Variants in TENM2 observed in about 807,000 individuals in gnomAD.
The protein encoded by TENM2 is teneurin-2.
In TENM2, 52 loss-of-function variants were observed where a neutral mutation model predicts 245.2. The observed-to-expected ratio is 0.21, with a 90% CI of 0.17 to 0.27. The LOEUF is 0.27. TENM2 is among the 10% of genes least tolerant of loss of function. The pLI, the probability that TENM2 is intolerant of heterozygous loss-of-function variation, is 1.00. For synonymous variants in TENM2, 1,363 were observed against 1,438.9 expected (o/e 0.95, Z 1.19); for missense variants, 3,046 against 3,666.8 (o/e 0.83, Z 4.37).
At chr5:167,491,920 G>A (rs1419698622) in intron 2 of TENM2, among the ~76,000 whole-genome samples, 2 of 152,076 alleles carry the variant, frequency 1.3e-5, no homozygotes, top group Non-Finnish European at 2.9e-5. Flanking sequence ...TATTATCTCG[G>A]ATAATTGCTG....
At chr5:167,943,912 G>C (rs1242477120) in intron 3 of TENM2, among the ~76,000 whole-genome samples, 1 of 152,148 alleles carries the variant, frequency 6.6e-6, no homozygotes, top group African/African-American at 2.4e-5. Context: ...TGCTCAGATA[G>C]GCACTGCTCA....
rs544841870 is a variant in TENM2, at chr5:167,891,117, T to TA, written c.712+14930dup. 1.6e-3 allele frequency among the ~76,000 whole-genome samples: 239 copies of TA among 152,036 alleles called. 6 individuals are homozygous for TA. In the South Asian group the frequency reaches 0.045, roughly 29 times the overall value. On this transcript the variant is annotated intron_variant, in intron 3 of 28. Coordinates refer to ENST00000518659, the Ensembl canonical transcript of TENM2. ...CTTGGTCTACCTATTCACATGTATT[T>TA]AAAAAAAATAGGTTGTTTACTTATT... is the stretch of plus-strand genomic sequence containing the variant.
chr5:168,110,399 A>T (rs1158156436), intron 9 of TENM2, among the ~76,000 whole-genome samples: 1 of 152,200 alleles, frequency 6.6e-6, no homozygotes, highest in African/African-American at 2.4e-5. Flanking sequence ...CCCTTTGGAA[A>T]CACTATGGGG....
At chr5:168,009,552 G>C (rs1785071268) in intron 5 of TENM2, among the ~76,000 whole-genome samples, 1 of 152,030 alleles carries the variant, frequency 6.6e-6, no homozygotes, top group Admixed American at 6.6e-5. Flanking sequence ...TTTATTTTCT[G>C]TGTGTTAACA....
At chr5:167,419,444 G>A (rs1461971680) in intron 2 of TENM2, among the ~76,000 whole-genome samples, 1 of 152,184 alleles carries the variant, frequency 6.6e-6, no homozygotes, top group Non-Finnish European at 1.5e-5. Context: ...CTGAGTGAAA[G>A]AGTGAGACGT....
chr5:168,177,388 C>T (rs969850818), intron 13 of TENM2, among the ~76,000 whole-genome samples: 1 of 152,158 alleles, frequency 6.6e-6, no homozygotes, highest in Non-Finnish European at 1.5e-5. Context: ...GATGAAGGAA[C>T]CAAGACTCAG....
intron 2 of TENM2, among the ~76,000 whole-genome samples, chr5:167,816,567 G>T (rs1460018729): frequency 6.6e-6 from 1 of 152,198 alleles, no homozygotes; most frequent in Non-Finnish European, 1.5e-5. Context: ...TCGGGTTGCT[G>T]TGTTGGAAGG....
At chr5:166,984,080 T>A in the TENM2 span, among the ~76,000 whole-genome samples, 2 of 152,086 alleles carry the variant, frequency 1.3e-5, no homozygotes, top group Non-Finnish European at 2.9e-5. Context: ...TTTGAAAAAA[T>A]ATTAGAAGTT....
intron 13 of TENM2, among the ~76,000 whole-genome samples, chr5:168,180,841 G>T (rs1256083196): frequency 6.6e-6 from 1 of 152,058 alleles, no homozygotes; most frequent in Non-Finnish European, 1.5e-5. Flanking sequence ...GGCAGAGGTT[G>T]CAGTGAGCTG....
chr5:167,878,573 CTGTGTGTGTGTGTGTGTG>C (rs10573629), intron 3 of TENM2, among the ~76,000 whole-genome samples: 1 of 150,022 alleles, frequency 6.7e-6, no homozygotes, highest in Admixed American at 6.6e-5. Flanking sequence ...GTGCTCACGT[CTGTGTGTGTGTGTGTGTG>C]TGTGTGTGTG....
intron 1 of TENM2, among the ~76,000 whole-genome samples, chr5:167,361,432 G>A (rs182158260): frequency 2.3e-4 from 35 of 152,148 alleles, no homozygotes; most frequent in South Asian, 8.3e-4. Context: ...ACAACATATA[G>A]CACTCATTGT....
the TENM2 span, among the ~76,000 whole-genome samples, chr5:167,183,497 A>G: frequency 6.6e-6 from 1 of 152,164 alleles, no homozygotes; most frequent in African/African-American, 2.4e-5. Context: ...CTATATTGTG[A>G]TATCTGAATG....
intron 3 of TENM2, among the ~76,000 whole-genome samples, chr5:167,932,406 G>A (rs1389141811): frequency 6.6e-6 from 1 of 152,084 alleles, no homozygotes; most frequent in East Asian, 1.9e-4. Context: ...ATGTGTATGT[G>A]TGTTCATATG....
chr5:167,293,976 C>CTGTGTGTGTGTGTG (rs55869331), intron 1 of TENM2, among the ~76,000 whole-genome samples: 100 of 148,750 alleles, frequency 6.7e-4, no homozygotes, highest in Middle Eastern at 3.4e-3. Flanking sequence ...GATGTGAGTT[C>CTGTGTGTGTGTGTG]TGTGTGTGTG....
intron 8 of TENM2, 22 bp from the exon 11 acceptor site, chr5:168,098,004 A>G: frequency 6.3e-7 from 1 of 1,578,792 alleles, no homozygotes; most frequent in South Asian, 1.1e-5. Context: ...AAAGGTAAAC[A>G]CTACATTTAT....
At chr5:168,083,827 A>G (rs1792211015) in intron 7 of TENM2, among the ~76,000 whole-genome samples, 1 of 152,160 alleles carries the variant, frequency 6.6e-6, no homozygotes, top group Admixed American at 6.5e-5. Context: ...GGTTTGGTCT[A>G]CAAATGACCC....
In TENM2 at chr5:168,171,942, G is replaced by A. The variant is rs534322620; in HGVS notation, c.2569+9185G>A. On this transcript the variant is annotated intron_variant, in intron 13 of 28. Coordinates refer to ENST00000518659, the Ensembl canonical transcript of TENM2. The stretch of plus-strand genomic sequence containing the variant: ...GGCAGGCACACCCTTGCCATCCCCC[G>A]GTCTCTGTGACCAGCATTTGAATAA... Among the ~76,000 whole-genome samples, 6 of 152,272 alleles carry A rather than the reference G, an allele frequency of 3.9e-5. No homozygotes were observed. The South Asian group carries it at 1.2e-3, about 32-fold the overall frequency.
chr5:167,890,318 C>T (rs1241635839), intron 3 of TENM2, among the ~76,000 whole-genome samples: 2 of 152,040 alleles, frequency 1.3e-5, no homozygotes, highest in African/African-American at 4.8e-5. Flanking sequence ...TTTTTCCTCC[C>T]AAAGGGAGGA....
intron 5 of TENM2, among the ~76,000 whole-genome samples, chr5:168,032,449 C>T (rs1787227388): frequency 6.6e-6 from 1 of 152,122 alleles, no homozygotes; most frequent in African/African-American, 2.4e-5. Flanking sequence ...TGAAGACCCT[C>T]TAGGGCTGGG....
Sources: allele counts gnomAD v4.1 joint callset (sites outside exome capture counted in the v4.1 genomes callset), GRCh38; gene constraint gnomAD v4.1.1; transcripts MANE v1.5; gene names NCBI Gene and HGNC (gene_info 2026-07-23, HGNC 2026-07-21).